RAPGEF4: variants seen among roughly 807,000 people sequenced by gnomAD.
RAPGEF4 encodes the protein RAP guanine-nucleotide-exchange factor (GEF) 4.
Under a neutral mutation model 147.9 loss-of-function variants are expected in RAPGEF4, and 66 were observed. The observed-to-expected ratio is 0.45, with a 90% confidence interval of 0.37 to 0.55. The LOEUF is 0.55. RAPGEF4 is among the 20% of genes least tolerant of loss of function. RAPGEF4 has a pLI of 0.00. For missense variants in RAPGEF4, 1,071 were observed against 1,257.3 expected (o/e 0.85, Z 2.24); for synonymous variants, 419 against 442.7 (o/e 0.95, Z 0.67).
intron 1 of RAPGEF4, among the ~76,000 whole-genome samples, chr2:172,761,081 A>G (rs1168942496): frequency 6.6e-6 from 1 of 150,740 alleles, no homozygotes; most frequent in Non-Finnish European, 1.5e-5. Flanking sequence ...GGAGCCCAGA[A>G]TGAAGTGGAA....
intron 6 of RAPGEF4, among the ~76,000 whole-genome samples, chr2:172,940,933 G>A (rs1282204517): frequency 2.6e-5 from 4 of 152,126 alleles, no homozygotes; most frequent in Non-Finnish European, 5.9e-5. Flanking sequence ...TATATGCCCT[G>A]TACATGTTTT....
At chr2:172,923,164 G>A (rs190337524) in intron 6 of RAPGEF4, among the ~76,000 whole-genome samples, 130 of 152,240 alleles carry the variant, frequency 8.5e-4, no homozygotes, top group African/African-American at 2.7e-3. Flanking sequence ...TCAGTCTCTG[G>A]CTTGCTTTAG....
chr2:173,050,339 G>A (rs557979008), intron 30 of RAPGEF4, among the ~76,000 whole-genome samples: 80 of 152,322 alleles, frequency 5.3e-4, no homozygotes, highest in East Asian at 1.2e-3. Flanking sequence ...TCTGCAGTTC[G>A]CTGTGGTATT....
chr2:172,876,279 C>T (rs1695907780), intron 4 of RAPGEF4, among the ~76,000 whole-genome samples: 1 of 152,120 alleles, frequency 6.6e-6, no homozygotes, highest in African/African-American at 2.4e-5. Flanking sequence ...GAACTTCTAA[C>T]ACTATGTTGA....
At chr2:172,851,936 A>G (rs1001376201) in intron 4 of RAPGEF4, among the ~76,000 whole-genome samples, 1 of 152,348 alleles carries the variant, frequency 6.6e-6, no homozygotes, top group Admixed American at 6.5e-5. Flanking sequence ...AAACTTGTAC[A>G]TGTACCCCTG....
chr2:172,941,009 AATT>A (rs1380462283), intron 6 of RAPGEF4, among the ~76,000 whole-genome samples: 1 of 152,182 alleles, frequency 6.6e-6, no homozygotes, highest in Non-Finnish European at 1.5e-5. Flanking sequence ...TATTATTTCA[AATT>A]CCAGTTGTTC....
intron 6 of RAPGEF4, among the ~76,000 whole-genome samples, chr2:172,944,391 T>C (rs944661976): frequency 1.3e-5 from 2 of 152,172 alleles, no homozygotes; most frequent in Non-Finnish European, 2.9e-5. Flanking sequence ...AGTGTTTCCA[T>C]GTTAGGTAGA....
chr2:173,051,408 T>C (rs1379769687), intron 30 of RAPGEF4, among the ~76,000 whole-genome samples: 2 of 151,892 alleles, frequency 1.3e-5, no homozygotes, highest in Non-Finnish European at 2.9e-5. Flanking sequence ...CAACGTGCAA[T>C]TCAAAGGAGA....
chr2:172,832,010 A>G (rs562095397), intron 4 of RAPGEF4, among the ~76,000 whole-genome samples: 49 of 152,360 alleles, frequency 3.2e-4, no homozygotes, highest in African/African-American at 1.2e-3. Context: ...AATCTGGCAT[A>G]TTATTCTTGC....
chr2:172,764,725 G>A (rs1220478309), intron 1 of RAPGEF4, among the ~76,000 whole-genome samples: 1 of 152,144 alleles, frequency 6.6e-6, no homozygotes, highest in Non-Finnish European at 1.5e-5. Flanking sequence ...CCCTTATGAC[G>A]TGTCTACACA....
intron 30 of RAPGEF4, among the ~76,000 whole-genome samples, chr2:173,049,833 G>A (rs1349799163): frequency 6.6e-6 from 1 of 152,154 alleles, no homozygotes. Context: ...AATTTACGTT[G>A]TGTTTAAAGA....
At chr2:172,779,680 G>A (rs1443498194) in intron 1 of RAPGEF4, among the ~76,000 whole-genome samples, 1 of 152,140 alleles carries the variant, frequency 6.6e-6, no homozygotes, top group Non-Finnish European at 1.5e-5. Context: ...AATATTAAAA[G>A]TATCACTCTG....
At chr2:172,746,962 T>A (rs1694829470) in intron 1 of RAPGEF4, among the ~76,000 whole-genome samples, 1 of 152,114 alleles carries the variant, frequency 6.6e-6, no homozygotes. Context: ...CCCCCCTTAA[T>A]TAAATGGAGA....
chr2:172,949,401 G>A (rs1324646105), intron 6 of RAPGEF4, among the ~76,000 whole-genome samples: 1 of 152,138 alleles, frequency 6.6e-6, no homozygotes, highest in Non-Finnish European at 1.5e-5. Flanking sequence ...AAGGTCCTGA[G>A]GGTGCACTCA....
Position 172,985,510 on chromosome 2 carries a change from A to G in RAPGEF4, c.1150+17A>G, listed in dbSNP as rs778459493. The stretch of plus-strand genomic sequence containing the variant: ...GGACTGTGTGTAAGTGAAAAGCTGT[A>G]CTGGAACCTTGCGCCTGGCCAGCAC... On this transcript the variant is annotated intron_variant, in intron 12 of 30. Coordinates refer to ENST00000397081, the MANE Select transcript of RAPGEF4 (RefSeq NM_007023.4). 23 of 1,610,228 alleles carry G rather than the reference A, an allele frequency of 1.4e-5. No homozygotes were observed. Among genetic ancestry groups the G allele is most frequent in the Non-Finnish European group, 2.0e-5 (23 of 1,178,802 alleles).
intron 1 of RAPGEF4, among the ~76,000 whole-genome samples, chr2:172,788,509 A>C (rs900385644): frequency 3.3e-5 from 5 of 152,140 alleles, no homozygotes; most frequent in African/African-American, 1.2e-4. Flanking sequence ...AAAAGCATAC[A>C]TGTATTATCT....
intron 1 of RAPGEF4, among the ~76,000 whole-genome samples, chr2:172,774,314 G>T (rs1439700832): frequency 1.3e-5 from 2 of 152,024 alleles, no homozygotes; most frequent in Non-Finnish European, 2.9e-5. Flanking sequence ...AAATATCTCT[G>T]GTGGCCTTCC....
intron 1 of RAPGEF4, among the ~76,000 whole-genome samples, chr2:172,750,463 G>A (rs748086663): frequency 6.6e-6 from 1 of 151,960 alleles, no homozygotes; most frequent in Non-Finnish European, 1.5e-5. Flanking sequence ...ACTACCACAA[G>A]AACAGTATGG....
chr2:172,956,420 A>C (rs1049441699), intron 6 of RAPGEF4, among the ~76,000 whole-genome samples: 1 of 151,934 alleles, frequency 6.6e-6, no homozygotes, highest in African/African-American at 2.4e-5. Context: ...TAGCCCTGAT[A>C]GGACAGTTCC....
Sources: gnomAD v4.1 joint callset for allele counts (sites outside exome capture counted in the v4.1 genomes callset) on GRCh38, gnomAD v4.1.1 for gene constraint, MANE v1.5 for transcripts, NCBI Gene and HGNC (gene_info 2026-07-23, HGNC 2026-07-21) for gene names.